The following HDGFL3 variants were observed in gnomAD, a reference collection of about 807,000 sequenced individuals.
HDGFL3 encodes the protein hepatoma-derived growth factor-related protein 3.
HDGFL3 carries 6 observed loss-of-function variants against 27.6 expected under a neutral mutation model. The observed-to-expected ratio is 0.22, with a 90% CI of 0.12 to 0.43. The LOEUF (loss-of-function observed/expected upper bound fraction) is 0.43, where lower values mean the gene tolerates loss of function less well. Among genes scored for constraint, HDGFL3 ranks in the 20% least tolerant of loss-of-function variants. HDGFL3 has a pLI of 1.00. For missense variants in HDGFL3, 207 were observed against 250.1 expected, an observed-to-expected ratio of 0.83 and a Z score of 1.16; for synonymous variants, 88 against 88.9, an observed-to-expected ratio of 0.99 and a Z score of 0.05.
At chr15:83,200,235 A>G (rs1208766184) in intron 1 of HDGFL3, among the ~76,000 whole-genome samples, 2 of 150,436 alleles carry the variant, frequency 1.3e-5, no homozygotes, top group African/African-American at 2.5e-5. Flanking sequence ...AGTCCTAGCT[A>G]CTCGGGAGGC....
chr15:83,187,309 A>G (rs900198388), intron 1 of HDGFL3, among the ~76,000 whole-genome samples: 3 of 152,040 alleles, frequency 2.0e-5, no homozygotes, highest in South Asian at 2.1e-4. Flanking sequence ...ACATAATCAT[A>G]TACAAATGTT....
rs568872649 is a variant in HDGFL3 at position 83,165,857 on chromosome 15, A to G, written c.85-1782T>C. 2.3e-4 allele frequency among the ~76,000 whole-genome samples: 34 copies of G among 150,962 alleles called. No homozygotes were observed. The South Asian group carries it at 3.4e-3, about 15-fold the overall frequency. On this transcript the variant is annotated intron_variant, in intron 1 of 5. Coordinates refer to ENST00000299633, the MANE Select transcript of HDGFL3 (RefSeq NM_016073.4). ...GACCAAGCAGATGGAAGAATTCCAG[A>G]GCTTGAAGACCGGTCTTTTGAACTA... is the stretch of plus-strand genomic sequence containing the variant.
At chr15:83,186,984 T>C (rs1331358133) in intron 1 of HDGFL3, among the ~76,000 whole-genome samples, 1 of 152,028 alleles carries the variant, frequency 6.6e-6, no homozygotes, top group Non-Finnish European at 1.5e-5. Context: ...GAACCAGCAA[T>C]GAAAGGAGAA....
At chr15:83,171,578 T>C (rs2037246633) in intron 1 of HDGFL3, among the ~76,000 whole-genome samples, 1 of 152,206 alleles carries the variant, frequency 6.6e-6, no homozygotes, top group Non-Finnish European at 1.5e-5. Flanking sequence ...AACAAAATCA[T>C]GTCCTCTGCA....
At chr15:83,117,503 T>TG (rs899590448) in intron 3 of HDGFL3, among the ~76,000 whole-genome samples, 2 of 151,798 alleles carry the variant, frequency 1.3e-5, no homozygotes, top group African/African-American at 4.8e-5. Context: ...AAGTGGACCA[T>TG]GGGGGGCAGG....
intron 1 of HDGFL3, among the ~76,000 whole-genome samples, chr15:83,169,414 C>CAAAAAAAAAAAAAAAAAAAAAAAAAAAA (rs58159581): frequency 1.1e-4 from 4 of 35,568 alleles, no homozygotes; most frequent in African/African-American, 3.5e-4. Flanking sequence ...GACTCCGTCT[C>CAAAAAAAAAAAAAAAAAAAAAAAAAAAA]AAAAAAAAAA....
chr15:83,207,206 GC>G lies in HDGFL3; in HGVS notation c.84+124del. The stretch of plus-strand genomic sequence containing the variant: ...TCTTCTTCGTGCCGCGCCGCCCTCA[GC>G]CCTCACCACAGCCGGCCGCGAGCTG... On this transcript the variant is annotated intron_variant, in intron 1 of 5. Transcript: ENST00000299633. The surrounding 1 kb of genome is among the most constrained non-coding windows in gnomAD (Gnocchi z 4.8). 2 of 583,920 alleles carry G rather than the reference GC, an allele frequency of 3.4e-6. No individual in the cohort carries two copies. The highest frequency in any genetic ancestry group is 5.1e-6 in the Non-Finnish European group (2 of 391,670). 36.2% of individuals were successfully genotyped at this position (583,920 alleles called of 1,614,324 possible).
At chr15:83,152,514 A>G (rs2036975935) in intron 4 of HDGFL3, among the ~76,000 whole-genome samples, 4 of 152,162 alleles carry the variant, frequency 2.6e-5, no homozygotes, top group East Asian at 3.9e-4. Flanking sequence ...CATCCTGGCC[A>G]ACATGGTGAA....
At chr15:83,126,848 G>A (rs1237112442), downstream of HDGFL3, 4 of 1,607,292 alleles carry the variant, frequency 2.5e-6, no homozygotes, top group East Asian at 4.5e-5. Flanking sequence ...TAAAATTCAG[G>A]TCAAGTAGTT....
At chr15:83,115,498 T>G in exon 4 of HDGFL3, 1 of 406,718 alleles carries the variant, frequency 2.5e-6, no homozygotes, top group Non-Finnish European at 4.7e-6. Flanking sequence ...ACTGCCCATG[T>G]GGGATGTGGG....
intron 5 of HDGFL3, among the ~76,000 whole-genome samples, chr15:83,141,466 A>G (rs2036769733): frequency 6.6e-6 from 1 of 152,260 alleles, no homozygotes; most frequent in East Asian, 1.9e-4. Flanking sequence ...TTGGCACGTT[A>G]TAACAAATAA....
intron 4 of HDGFL3, among the ~76,000 whole-genome samples, chr15:83,154,836 T>G (rs1407098254): frequency 6.6e-6 from 1 of 152,232 alleles, no homozygotes; most frequent in African/African-American, 2.4e-5. Flanking sequence ...TATGCTAGGT[T>G]ATTTCATTGA....
intron 1 of HDGFL3, among the ~76,000 whole-genome samples, chr15:83,202,928 T>C (rs980216494): frequency 1.3e-5 from 2 of 152,144 alleles, no homozygotes; most frequent in African/African-American, 4.8e-5. Context: ...TTTGGGTTGT[T>C]TCCTGTTCTA....
At chr15:83,203,580 CTTCTA>C (rs1176933481) in intron 1 of HDGFL3, among the ~76,000 whole-genome samples, 3 of 152,018 alleles carry the variant, frequency 2.0e-5, no homozygotes, top group Non-Finnish European at 4.4e-5. Context: ...TAAGCTGACA[CTTCTA>C]TTCTAGAAAA....
At chr15:83,197,013 T>A (rs143590996) in intron 1 of HDGFL3, among the ~76,000 whole-genome samples, 1 of 152,364 alleles carries the variant, frequency 6.6e-6, no homozygotes, top group Admixed American at 6.5e-5. Flanking sequence ...TGTCATTTGC[T>A]TTTACAATAT....
intron 1 of HDGFL3, chr15:83,192,290 TTC>T (rs2037520737): frequency 2.2e-6 from 1 of 455,260 alleles, no homozygotes. Context: ...AGTTTTGACT[TTC>T]TGCCAAAAGT....
chr15:83,176,468 G>A (rs2037312409), intron 1 of HDGFL3, among the ~76,000 whole-genome samples: 2 of 152,148 alleles, frequency 1.3e-5, no homozygotes, highest in African/African-American at 4.8e-5. Context: ...GGGATATACA[G>A]ATTAGAAATT....
chr15:83,122,796 G>A, downstream of HDGFL3: 2 of 1,613,832 alleles, frequency 1.2e-6, no homozygotes, highest in Non-Finnish European at 1.7e-6. Context: ...TTTTTCTTAA[G>A]CATACCATAT....
At chr15:83,195,980 A>G (rs548748558) in intron 1 of HDGFL3, among the ~76,000 whole-genome samples, 1 of 152,008 alleles carries the variant, frequency 6.6e-6, no homozygotes, top group South Asian at 2.1e-4. Flanking sequence ...GCAGATCACT[A>G]TATTTTGACT....
Sources: gnomAD v4.1 joint callset for allele counts (sites outside exome capture counted in the v4.1 genomes callset) on GRCh38, gnomAD v4.1.1 for gene constraint, Gnocchi (gnomAD v3.1) non-coding constraint, MANE v1.5 for transcripts, NCBI Gene and HGNC (gene_info 2026-07-23, HGNC 2026-07-21) for gene names.